Variants in STX3 observed in about 807,000 individuals in gnomAD.
STX3 encodes syntaxin-3.
In STX3, 19 loss-of-function variants were observed where a neutral mutation model predicts 40.2. The ratio of observed to expected loss-of-function variants is 0.47; its 90% CI spans 0.33 to 0.69. The LOEUF (loss-of-function observed/expected upper bound fraction) is 0.69. Among genes scored for constraint, STX3 ranks in the 30% least tolerant of loss-of-function variants. The pLI is 0.02. For missense variants in STX3, 364 were observed against 366.7 expected (o/e 0.99, Z 0.06); for synonymous variants, 122 against 132.2 (o/e 0.92, Z 0.53).
In STX3 at chr11:59,781,687, G is replaced by A. The variant is rs1461626533; in HGVS notation, c.115-5350G>A. 121 of 1,601,834 alleles carry A rather than the reference G, an allele frequency of 7.6e-5. No homozygotes were observed. In the East Asian group the frequency reaches 9.2e-4, roughly 12 times the overall value. ...TCAAAGCCTTTGCTGTCCACCAGGC[G>A]CCATCTTCCTTCCAGCTGCTGAACT... On this transcript the variant is annotated intron_variant, in intron 2 of 10. Transcript: ENST00000337979.
intron 10 of STX3, among the ~76,000 whole-genome samples, chr11:59,798,929 G>A (rs1039588798): frequency 1.3e-5 from 2 of 148,424 alleles, no homozygotes; most frequent in Admixed American, 1.3e-4. Flanking sequence ...TTGCTCTGTC[G>A]CCCAGGCTGG....
chr11:59,787,296 C>T (rs895747022), intron 3 of STX3, among the ~76,000 whole-genome samples, 160 bp downstream of exon 3: 1 of 152,142 alleles, frequency 6.6e-6, no homozygotes, highest in Non-Finnish European at 1.5e-5. Context: ...CTTACCTGAG[C>T]TCCTACTGCC....
At chr11:59,765,458 A>G (rs1295532093) in intron 1 of STX3, among the ~76,000 whole-genome samples, 1 of 152,040 alleles carries the variant, frequency 6.6e-6, no homozygotes, top group Non-Finnish European at 1.5e-5. Context: ...GAATCCCCAG[A>G]CCCTCATTTG....
At chr11:59,769,034 C>T (rs758615895) in intron 1 of STX3, among the ~76,000 whole-genome samples, 3 of 152,044 alleles carry the variant, frequency 2.0e-5, no homozygotes, top group Non-Finnish European at 4.4e-5. Flanking sequence ...TTCTTGTCAT[C>T]TACTCCCCTG....
rs75068764 is a variant in STX3, at chr11:59,803,494, G to C, written c.*2670G>C. On this transcript the variant is annotated 3_prime_UTR_variant, in exon 11 of 11. Coordinates refer to ENST00000337979, the MANE Select transcript of STX3 (RefSeq NM_004177.5). ...GTTAGTAGGTAGTCTGTGGGAGGAG[G>C]GGGGAGACAGAAGGTGGCAATCTGT... 2.0e-5 allele frequency among the ~76,000 whole-genome samples: 3 copies of C among 152,246 alleles called. No homozygotes were observed. The highest frequency in any genetic ancestry group is 2.0e-4 in the Admixed American group (3 of 15,298).
At chr11:59,792,906 G>C (rs1198599343) in intron 6 of STX3, among the ~76,000 whole-genome samples, 193 bp from the exon 7 acceptor site, 1 of 152,186 alleles carries the variant, frequency 6.6e-6, no homozygotes, top group Non-Finnish European at 1.5e-5. Context: ...AAGTGCTTTA[G>C]GAAGGTAACT....
intron 1 of STX3, among the ~76,000 whole-genome samples, chr11:59,757,323 C>G (rs977396529): frequency 1.3e-5 from 2 of 152,106 alleles, no homozygotes; most frequent in Non-Finnish European, 2.9e-5. Context: ...TCGGCACACC[C>G]AGCAACCATA....
rs1865867224 is a variant in STX3 at position 59,801,071 on chromosome 11, A to C, written c.*247A>C. ...CCTCCTCCTGCCCCACCAGCTCTCAAGTACCTTTTCTCCTGGACTGTGTGG... is the reference window on the plus strand; with the variant it reads ...CCTCCTCCTGCCCCACCAGCTCTCACGTACCTTTTCTCCTGGACTGTGTGG... On this transcript the variant is annotated 3_prime_UTR_variant, in exon 11 of 11. Transcript: ENST00000337979. 1 of 1,456,650 alleles carries C rather than the reference A, an allele frequency of 6.9e-7. No individual in the cohort carries two copies. Among genetic ancestry groups the C allele is most frequent in the South Asian group, 1.4e-5 (1 of 71,788 alleles). 90.2% of individuals were successfully genotyped at this position (1,456,650 alleles called of 1,614,324 possible).
rs375033947 is a variant in STX3, at chr11:59,765,898, A to G, written c.31-7313A>G. Among the ~76,000 whole-genome samples the G allele has an allele frequency of 4.6e-5, 7 of 152,324 alleles. No homozygotes were observed. In the East Asian group the frequency reaches 7.7e-4, roughly 17 times the overall value. On this transcript the variant is annotated intron_variant, in intron 1 of 10. Transcript: ENST00000337979. ...TGGGAGATAATCTGGATTTATAAAG[A>G]AGCATCTGTGTCTCCAGAGAAATAA...
intron 10 of STX3, chr11:59,799,604 C>G (rs1321529459): frequency 1.0e-6 from 1 of 972,668 alleles, no homozygotes; most frequent in Non-Finnish European, 1.2e-6. Context: ...CAGGTATAAA[C>G]ATTTTTAAGA....
intron 1 of STX3, among the ~76,000 whole-genome samples, chr11:59,769,278 A>G (rs1863434082): frequency 6.6e-6 from 1 of 152,008 alleles, no homozygotes. Context: ...GAGGAGGAGG[A>G]GGAGGAGGAT....
At chr11:59,797,671 A>G (rs1392691052) in intron 10 of STX3, among the ~76,000 whole-genome samples, 2 of 152,016 alleles carry the variant, frequency 1.3e-5, no homozygotes, top group East Asian at 3.9e-4. Flanking sequence ...ATACCTGAGC[A>G]CCCCAGGTGA....
At chr11:59,754,982 C>A (rs1862631665), upstream of STX3, 1 of 152,356 alleles carries the variant, frequency 6.6e-6, no homozygotes, top group South Asian at 2.1e-4. Flanking sequence ...GAATGCCTTC[C>A]TCCTGGCGGG....
At chr11:59,800,777 G>T in intron 10 of STX3, 78 bp from the exon 11 acceptor site, 1 of 1,533,562 alleles carries the variant, frequency 6.5e-7, no homozygotes. Flanking sequence ...CCACCTTCCA[G>T]GTTTGTGGCT....
chr11:59,781,761 T>G, intron 2 of STX3: 2 of 1,549,874 alleles, frequency 1.3e-6, no homozygotes, highest in South Asian at 2.4e-5. Context: ...GCAACATTTG[T>G]TTTCTAAAGC....
At chr11:59,792,344 C>T in intron 6 of STX3, 129 bp downstream of exon 6, 1 of 686,100 alleles carries the variant, frequency 1.5e-6, no homozygotes, top group Non-Finnish European at 2.6e-6. Context: ...AGCTCCTGCA[C>T]CACTGGCACA....
intron 2 of STX3, among the ~76,000 whole-genome samples, chr11:59,777,057 A>G (rs745555102): frequency 1.3e-5 from 2 of 152,188 alleles, no homozygotes; most frequent in South Asian, 4.1e-4. Context: ...TGGGGATCCA[A>G]TGTTCTGTGA....
At chr11:59,793,861 A>G (rs1452700996) in intron 8 of STX3, among the ~76,000 whole-genome samples, 1 of 150,134 alleles carries the variant, frequency 6.7e-6, no homozygotes, top group Non-Finnish European at 1.5e-5. Flanking sequence ...GCTGGAGTGC[A>G]GTGGCGTGAT....
In STX3 at chr11:59,800,932, C is replaced by G; in HGVS notation, c.*108C>G. On this transcript the variant is annotated 3_prime_UTR_variant, in exon 11 of 11. Transcript: ENST00000337979. ...GGAGTCTGAATGGCCTTCCTGAGAG[C>G]GAGTGCGACCCGTTCCTTTGTTTCC... The G allele has an allele frequency of 6.5e-7, 1 of 1,536,188 alleles. No individual in the cohort carries two copies. Among genetic ancestry groups the G allele is most frequent in the Non-Finnish European group, 8.7e-7 (1 of 1,146,834 alleles).
Sources: allele counts gnomAD v4.1 joint callset (sites outside exome capture counted in the v4.1 genomes callset), GRCh38; gene constraint gnomAD v4.1.1; transcripts MANE v1.5; gene names NCBI Gene and HGNC (gene_info 2026-07-23, HGNC 2026-07-21).